Variants in ATXN2L observed in about 807,000 individuals in gnomAD.
The protein encoded by ATXN2L is ataxin-2-like protein.
Under a neutral mutation model 120.7 loss-of-function variants are expected in ATXN2L, and 24 were observed. The observed-to-expected ratio is 0.20, with a 90% CI of 0.14 to 0.28. ATXN2L has a LOEUF of 0.28. ATXN2L is among the 10% of genes least tolerant of loss of function. The pLI, the probability that ATXN2L is intolerant of heterozygous loss-of-function variation, is 1.00. For synonymous variants in ATXN2L, 653 were observed against 568.1 expected (o/e 1.15, Z -2.13); for missense variants, 1,312 against 1,432.3 (o/e 0.92, Z 1.36).
chr16:28,837,052 C>G lies in ATXN2L; in HGVS notation c.*787C>G, dbSNP rs1961240174. On this transcript the variant is annotated 3_prime_UTR_variant, in exon 22 of 22. Coordinates refer to ENST00000336783, the MANE Select transcript of ATXN2L (RefSeq NM_007245.4). ...TATTCCCCCGCTGGAGACGGAAGATCTTTTATTTTCTATTATTTATAACTT... is the reference window on the plus strand; with the variant it reads ...TATTCCCCCGCTGGAGACGGAAGATGTTTTATTTTCTATTATTTATAACTT... The G allele has an allele frequency of 1.6e-6, 1 of 632,026 alleles. No individual in the cohort carries two copies. Among genetic ancestry groups the G allele is most frequent in the African/African-American group, 1.8e-5 (1 of 55,332 alleles). 39.2% of individuals were successfully genotyped at this position (632,026 alleles called of 1,614,324 possible).
In ATXN2L at chr16:28,833,233, C is replaced by T. The variant is rs1375329112; in HGVS notation, c.1834C>T (p.Leu612=). The T allele has an allele frequency of 1.9e-6, 3 of 1,614,222 alleles. No homozygotes were observed. Among genetic ancestry groups the T allele is most frequent in the Non-Finnish European group, 1.7e-6 (2 of 1,180,048 alleles). ...SVSDKEDKPP[L]APSGGTEGPE... Reference sequence around the variant, plus strand: ...ATCGGATAAGGAGGACAAACCACCCCTGGCACCATCAGGAGGCACTGAGGG... The same window carrying T: ...ATCGGATAAGGAGGACAAACCACCCTTGGCACCATCAGGAGGCACTGAGGG... The change falls in exon 14 of 22, where the codon CTG becomes TTG. Residue 612 remains leucine (L), a synonymous_variant. Coordinates refer to ENST00000336783, the MANE Select transcript of ATXN2L (RefSeq NM_007245.4).
At chr16:28,827,404 C>CAG (rs1181745823) in intron 6 of ATXN2L, among the ~76,000 whole-genome samples, 1 of 152,094 alleles carries the variant, frequency 6.6e-6, no homozygotes, top group Non-Finnish European at 1.5e-5. Context: ...CACTGCACTC[C>CAG]AGCCTGGGTG....
chr16:28,826,059 G>A, intron 4 of ATXN2L, 181 bp from the exon 5 acceptor site: 1 of 833,954 alleles, frequency 1.2e-6, no homozygotes, highest in South Asian at 1.8e-5. Flanking sequence ...CTTTTGCTAA[G>A]TCCTGTGGCT....
At chr16:28,834,306 G>A (rs984070201) in intron 16 of ATXN2L, 37 bp from the exon 17 acceptor site, 2 of 1,612,090 alleles carry the variant, frequency 1.2e-6, no homozygotes, top group African/African-American at 1.3e-5. Flanking sequence ...GCATTCGTGA[G>A]CGAGTCATTC....
chr16:28,833,836 C>A lies in ATXN2L; in HGVS notation c.2026-229C>A, dbSNP rs898013510. 45 of 652,362 alleles carry A rather than the reference C, an allele frequency of 6.9e-5. No individual in the cohort carries two copies. The African/African-American group carries it at 7.1e-4, about 10-fold the overall frequency. 40.4% of individuals were successfully genotyped at this position (652,362 alleles called of 1,614,324 possible). On this transcript the variant is annotated intron_variant, in intron 15 of 21. Coordinates refer to ENST00000336783, the MANE Select transcript of ATXN2L (RefSeq NM_007245.4). ...CAGAGGCCAGCTGACTTGGCTTGAG[C>A]CCCTGTATTTGGAAGGTTTGTGATC...
intron 8 of ATXN2L, among the ~76,000 whole-genome samples, 181 bp downstream of exon 8, chr16:28,830,239 G>A (rs1203881561): frequency 2.0e-5 from 3 of 151,836 alleles, no homozygotes; most frequent in Admixed American, 6.6e-5. Context: ...GCTGGAGCTT[G>A]TAGATCTAAA....
At chr16:28,827,412 G>T (rs1041025900) in intron 6 of ATXN2L, among the ~76,000 whole-genome samples, 12 of 152,032 alleles carry the variant, frequency 7.9e-5, no homozygotes, top group Non-Finnish European at 1.5e-5. Flanking sequence ...TCCAGCCTGG[G>T]TGGACCGTGT....
rs1166188170 is a variant in ATXN2L at position 28,836,840 on chromosome 16, C to T, written c.*575C>T. ...GAGGGAAGAGTGATCTATGTCTCTT[C>T]CCCCAGCAGCTCGGACCACTCCCAG... On this transcript the variant is annotated 3_prime_UTR_variant, in exon 22 of 22. Coordinates refer to ENST00000336783, the MANE Select transcript of ATXN2L (RefSeq NM_007245.4). 1 of 1,599,644 alleles carries T rather than the reference C, an allele frequency of 6.3e-7. No homozygotes were observed. The highest frequency in any genetic ancestry group is 1.3e-5 in the African/African-American group (1 of 74,590).
chr16:28,826,837 C>T lies in ATXN2L; in HGVS notation c.617-25C>T, dbSNP rs769066963. ...AAGTCTGTGAAATATAGCCTGACTC[C>T]TGATCTTCACCTCTGCCCCCACAGA... On this transcript the variant is annotated intron_variant, in intron 5 of 21. Transcript: ENST00000336783. 14 of 1,529,274 alleles carry T rather than the reference C, an allele frequency of 9.2e-6. No individual in the cohort carries two copies. In the East Asian group the frequency reaches 3.2e-4, roughly 35 times the overall value. The allele number at this position is 1,529,274 out of a possible 1,614,324, so 94.7% of individuals were successfully genotyped here. A position where few individuals can be genotyped will look rare whatever the true frequency, so the allele number is the denominator to read the frequency against.
chr16:28,824,726 G>A (rs2051158653), intron 1 of ATXN2L: 2 of 505,990 alleles, frequency 4.0e-6, no homozygotes, highest in Non-Finnish European at 2.9e-6. Context: ...CACAGCTGGC[G>A]TGGCTTTTTG....
At chr16:28,830,137 G>T (rs533997603) in intron 8 of ATXN2L, 79 bp downstream of exon 8, 1 of 1,384,018 alleles carries the variant, frequency 7.2e-7, no homozygotes, top group East Asian at 2.5e-5. Flanking sequence ...GATGAGTGCT[G>T]TGGTTTAAGC....
rs769632048 is a variant in ATXN2L at position 28,830,737 on chromosome 16, A to T, written c.1157A>T (p.His386Leu). 6.2e-6 allele frequency: 10 copies of T among 1,613,060 alleles called. 1 individual carries two copies. In the Admixed American group the frequency reaches 1.7e-4, roughly 27 times the overall value. ...LSSLPPRGPH[H>L]LDNSSPGPGS... Reference sequence around the variant, plus strand: ...TCTTTGCCACCTCGTGGCCCTCACCATCTGGACAACAGCAGCCCTGGCCCA... The same window carrying T: ...TCTTTGCCACCTCGTGGCCCTCACCTTCTGGACAACAGCAGCCCTGGCCCA... The change falls in exon 9 of 22, where the codon CAT becomes CTT. Residue 386 changes from histidine (H) to leucine (L), a missense_variant. His to Leu is a moderately conservative substitution (Grantham distance 99, BLOSUM62 -3). Coordinates refer to ENST00000336783, the MANE Select transcript of ATXN2L (RefSeq NM_007245.4).
intron 9 of ATXN2L, 43 bp downstream of exon 9, chr16:28,830,833 A>T: frequency 6.4e-7 from 1 of 1,555,242 alleles, no homozygotes; most frequent in Non-Finnish European, 8.7e-7. Context: ...AGGGAAGGGG[A>T]TGCCAAGGAG....
rs767550243 is a variant in ATXN2L at position 28,834,557 on chromosome 16, C to T, written c.2297C>T (p.Pro766Leu). The T allele has an allele frequency of 8.1e-6, 13 of 1,612,370 alleles. No individual in the cohort carries two copies. Among genetic ancestry groups the T allele is most frequent in the Non-Finnish European group, 1.0e-5 (12 of 1,179,786 alleles). ...CAACACCAGCCAGCCTCAGCCCCGC[C>T]GATGATGCAGGCCGCCGCGGCTGCT... is the stretch of plus-strand genomic sequence containing the variant. ...SDQHQPASAP[P>L]MMQAAAAAGP... The change falls in exon 18 of 22, where the codon CCG (proline) becomes CTG (leucine). Residue 766 changes from proline (P) to leucine (L), a missense_variant. Pro to Leu is a moderately conservative substitution (Grantham distance 98). Transcript: ENST00000336783.
chr16:28,830,776 G>C lies in ATXN2L; in HGVS notation c.1196G>C (p.Arg399Pro). The C allele has an allele frequency of 6.2e-7, 1 of 1,603,690 alleles. No individual in the cohort carries two copies. Among genetic ancestry groups the C allele is most frequent in the Non-Finnish European group, 8.5e-7 (1 of 1,175,844 alleles). Residue 399 changes from arginine (R) to proline (P), a missense_variant, in exon 9 of 22, where the codon CGT (arginine) becomes CCT (proline). Coordinates refer to ENST00000336783, the MANE Select transcript of ATXN2L (RefSeq NM_007245.4). ...NSSPGPGSEA[R>P]GINGGPSRMS... ...AGCCCTGGCCCAGGTTCTGAGGCCC[G>C]TGGTATCAATGGAGGTGAGTTATGA...
In ATXN2L at chr16:28,823,318, A is replaced by T. The variant is rs763055862; in HGVS notation, c.59A>T (p.Gln20Leu). The change falls in exon 1 of 22, where the codon CAA becomes CTA. Residue 20 changes from glutamine (Q) to leucine (L), a missense_variant. Gln to Leu is a moderately radical substitution (Grantham distance 113, BLOSUM62 -2). Transcript: ENST00000336783. ...CAGCCCCAGCAGCCGCCCCCCACGC[A>T]ACAGGCCGTGGCCCGTCGGCCCCCC... ...PSQPQQPPPT[Q>L]QAVARRPPGG... 1.1e-5 allele frequency: 16 copies of T among 1,484,564 alleles called. No homozygotes were observed. Among genetic ancestry groups the T allele is most frequent in the Non-Finnish European group, 1.3e-5 (15 of 1,119,060 alleles). 92.0% of individuals were successfully genotyped at this position (1,484,564 alleles called of 1,614,324 possible). A position where few individuals can be genotyped will look rare whatever the true frequency, so the allele number is the denominator to read the frequency against.
intron 1 of ATXN2L, among the ~76,000 whole-genome samples, chr16:28,824,946 C>G (rs779313894): frequency 6.6e-6 from 1 of 151,944 alleles, no homozygotes; most frequent in Non-Finnish European, 1.5e-5. Flanking sequence ...CAGTGGCTCA[C>G]GCCTGTAATG....
Position 28,823,338 on chromosome 16 carries a change from C to T in ATXN2L, c.79C>T (p.Pro27Ser), listed in dbSNP as rs1300384267. ...PPTQQAVARR[P>S]PGGTSPPNGG... ...CACGCAACAGGCCGTGGCCCGTCGG[C>T]CCCCCGGGGGCACCAGCCCTCCCAA... Residue 27 changes from proline to serine, a missense_variant, in exon 1 of 22, where the codon CCC becomes TCC. Pro to Ser is a moderately conservative substitution (Grantham distance 74). Transcript: ENST00000336783. 4 of 1,386,304 alleles carry T rather than the reference C, an allele frequency of 2.9e-6. No individual in the cohort carries two copies. Among genetic ancestry groups the T allele is most frequent in the South Asian group, 3.6e-5 (2 of 54,920 alleles). 85.9% of individuals were successfully genotyped at this position (1,386,304 alleles called of 1,614,324 possible).
Position 28,834,170 on chromosome 16 carries a change from A to G in ATXN2L, c.2131A>G (p.Ile711Val), listed in dbSNP as rs1259790258. Reference protein sequence around the residue: ...GQSGLYSPQYISYIPQIHMGP... With the variant: ...GQSGLYSPQYVSYIPQIHMGP... ...GAGTGGGCTATACAGCCCCCAGTACATCTCCTACATACCTCAGATCCACAT... is the reference window on the plus strand; with the variant it reads ...GAGTGGGCTATACAGCCCCCAGTACGTCTCCTACATACCTCAGATCCACAT... The change falls in exon 16 of 22, where the codon ATC becomes GTC. Residue 711 changes from isoleucine (I) to valine (V), a missense_variant. Coordinates refer to ENST00000336783, the MANE Select transcript of ATXN2L (RefSeq NM_007245.4). The G allele has an allele frequency of 2.5e-6, 4 of 1,614,060 alleles. No homozygotes were observed. The highest frequency in any genetic ancestry group is 3.4e-6 in the Non-Finnish European group (4 of 1,179,974).
Sources: gnomAD v4.1 joint callset for allele counts (sites outside exome capture counted in the v4.1 genomes callset) on GRCh38, gnomAD v4.1.1 for gene constraint, MANE v1.5 for transcripts, NCBI Gene and HGNC (gene_info 2026-07-23, HGNC 2026-07-21) for gene names.